Variants in VOPP1 observed in about 807,000 individuals in gnomAD.
VOPP1 encodes VOPP1 WW domain binding protein, also known as WW domain binding protein VOPP1.
VOPP1 carries 8 observed loss-of-function variants against 23.5 expected under a neutral mutation model. That is an observed-to-expected ratio of 0.34 (90% CI 0.20 to 0.61). The LOEUF (loss-of-function observed/expected upper bound fraction) is 0.61, where lower values mean the gene tolerates loss of function less well. VOPP1 is among the 20% of genes least tolerant of loss of function. The pLI, the probability that VOPP1 is intolerant of heterozygous loss-of-function variation, is 0.78. For synonymous variants in VOPP1, 83 were observed against 97.3 expected, an observed-to-expected ratio of 0.85 and a Z score of 0.86; for missense variants, 174 against 238.1, an observed-to-expected ratio of 0.73 and a Z score of 1.77.
At chr7:55,564,243 GTCTCTC>G (rs71561947) in intron 1 of VOPP1, among the ~76,000 whole-genome samples, 83 of 125,984 alleles carry the variant, frequency 6.6e-4, no homozygotes, top group Middle Eastern at 7.6e-3. Context: ...CTCTGTCTCT[GTCTCTC>G]TCTCTCTCTC....
intron 4 of VOPP1, among the ~76,000 whole-genome samples, chr7:55,453,326 T>C (rs1327800620): frequency 6.6e-6 from 1 of 152,258 alleles, no homozygotes; most frequent in Non-Finnish European, 1.5e-5. Flanking sequence ...ACTTTTCCTT[T>C]GCATTCACAA....
chr7:55,552,848 A>G, intron 1 of VOPP1: 1 of 1,419,726 alleles, frequency 7.0e-7, no homozygotes, highest in Non-Finnish European at 9.2e-7. Context: ...GTGACGGAGC[A>G]CTATGGCAAC....
chr7:55,465,376 A>G (rs1380827678), intron 4 of VOPP1, among the ~76,000 whole-genome samples: 2 of 152,130 alleles, frequency 1.3e-5, no homozygotes, highest in Non-Finnish European at 2.9e-5. Context: ...ACCTTTCAAG[A>G]CAAGAACGGT....
chr7:55,552,693 C>G (rs1797659570), intron 1 of VOPP1: 1 of 1,535,924 alleles, frequency 6.5e-7, no homozygotes, highest in Non-Finnish European at 8.7e-7. Flanking sequence ...CACTCAGGTC[C>G]TGGAGCCCCA....
At chr7:55,562,089 G>T (rs1798009774) in intron 1 of VOPP1, 1 of 702,718 alleles carries the variant, frequency 1.4e-6, no homozygotes, top group Non-Finnish European at 2.6e-6. Context: ...CCAGGTGCAG[G>T]TAATTGTTCG....
chr7:55,463,215 G>T (rs1169309741), intron 4 of VOPP1, among the ~76,000 whole-genome samples: 1 of 152,112 alleles, frequency 6.6e-6, no homozygotes, highest in Non-Finnish European at 1.5e-5. Flanking sequence ...ATGTTCTCTT[G>T]TATCGCACTG....
chr7:55,543,175 A>G (rs1350867441), intron 1 of VOPP1, among the ~76,000 whole-genome samples: 1 of 152,172 alleles, frequency 6.6e-6, no homozygotes, highest in Non-Finnish European at 1.5e-5. Flanking sequence ...TCAGCCTCCC[A>G]AAGTGCTGGG....
rs929521634 is a variant in VOPP1 at position 55,538,522 on chromosome 7, C to T, written c.55-17392G>A. On this transcript the variant is annotated intron_variant, in intron 1 of 4. Transcript: ENST00000285279. ...ACACAAAAAGAACAACCCTATGGTC[C>T]AAAGACTGAGGATTCCACAGTCCAA... 8.8e-6 allele frequency: 11 copies of T among 1,245,664 alleles called. No individual in the cohort carries two copies. In the African/African-American group the frequency reaches 9.0e-5, roughly 10 times the overall value. 77.2% of individuals were successfully genotyped at this position (1,245,664 alleles called of 1,614,324 possible). A position where few individuals can be genotyped will look rare whatever the true frequency, so the allele number is the denominator to read the frequency against.
At chr7:55,497,328 C>G (rs1004433842) in intron 3 of VOPP1, among the ~76,000 whole-genome samples, 1 of 152,152 alleles carries the variant, frequency 6.6e-6, no homozygotes. Context: ...AGAAACTGGC[C>G]GAGGAGCTGC....
intron 1 of VOPP1, among the ~76,000 whole-genome samples, chr7:55,560,768 T>C (rs900682170): frequency 6.6e-6 from 1 of 152,116 alleles, no homozygotes; most frequent in African/African-American, 2.4e-5. Flanking sequence ...CACTCTCCCT[T>C]CTCTGCACCT....
chr7:55,474,872 G>A (rs796859455), intron 4 of VOPP1, among the ~76,000 whole-genome samples: 45 of 152,350 alleles, frequency 3.0e-4, no homozygotes, highest in African/African-American at 8.9e-4. Context: ...GGGAAGATGC[G>A]GCAGGAGGTG....
rs528161749 is a variant in VOPP1 at position 55,483,771 on chromosome 7, CTTTTTTT to C, written c.328+8504_328+8510del. ...ACATGTTGGTCCTTTTTTCTTTTTT[CTTTTTTT>C]TGAGATGGAATTTCGCTCTTGTTGC... is the stretch of plus-strand genomic sequence containing the variant. On this transcript the variant is annotated intron_variant, in intron 4 of 4. Coordinates refer to ENST00000285279, the MANE Select transcript of VOPP1 (RefSeq NM_030796.5). 5.0e-4 allele frequency among the ~76,000 whole-genome samples: 76 copies of C among 151,698 alleles called. 2 individuals are homozygous for C. The highest frequency in any genetic ancestry group is 4.1e-4 in the South Asian group (2 of 4,820).
chr7:55,567,445 T>A (rs1798199500), intron 1 of VOPP1, among the ~76,000 whole-genome samples: 2 of 152,202 alleles, frequency 1.3e-5, no homozygotes, highest in South Asian at 4.2e-4. Context: ...TCTGAAAAGC[T>A]TCATCAAGAG....
chr7:55,539,158 A>C (rs1796992521), intron 1 of VOPP1, among the ~76,000 whole-genome samples: 1 of 152,156 alleles, frequency 6.6e-6, no homozygotes, highest in Admixed American at 6.5e-5. Flanking sequence ...AGCCTGGGCA[A>C]CATGGTGAAA....
chr7:55,492,340 C>G lies in VOPP1; in HGVS notation c.270G>C (p.Leu90=). Residue 90 remains leucine, a synonymous_variant, in exon 4 of 5, where the codon CTG becomes CTC. Coordinates refer to ENST00000285279, the MANE Select transcript of VOPP1 (RefSeq NM_030796.5). ...FIRRRMYPPP[L]IEEPAFNVSY... ...ACACATTGAAGGCTGGCTCCTCGAT[C>G]AGCGGCGGGGGGTACATGCGCCTCC... 1 of 1,610,068 alleles carries G rather than the reference C, an allele frequency of 6.2e-7. No homozygotes were observed. The highest frequency in any genetic ancestry group is 8.5e-7 in the Non-Finnish European group (1 of 1,178,258).
chr7:55,437,243 A>C (rs1790854900), intron 4 of VOPP1, among the ~76,000 whole-genome samples: 1 of 152,196 alleles, frequency 6.6e-6, no homozygotes, highest in Non-Finnish European at 1.5e-5. Flanking sequence ...GCTCCCGAGG[A>C]GTCCCCACGG....
At chr7:55,446,247 C>T (rs1791099199) in intron 4 of VOPP1, among the ~76,000 whole-genome samples, 1 of 152,298 alleles carries the variant, frequency 6.6e-6, no homozygotes, top group African/African-American at 2.4e-5. Flanking sequence ...CCCACCTCGG[C>T]CTCCCAAAGT....
intron 4 of VOPP1, among the ~76,000 whole-genome samples, chr7:55,487,322 C>T (rs891944933): frequency 6.6e-6 from 1 of 152,180 alleles, no homozygotes; most frequent in Non-Finnish European, 1.5e-5. Context: ...TGGGAAAACT[C>T]CATCCACTTC....
chr7:55,446,774 G>A (rs1791111413), intron 4 of VOPP1, among the ~76,000 whole-genome samples: 1 of 152,192 alleles, frequency 6.6e-6, no homozygotes, highest in African/African-American at 2.4e-5. Flanking sequence ...GCCAGGCACT[G>A]TATCTAGCCA....
Sources: allele counts gnomAD v4.1 joint callset (sites outside exome capture counted in the v4.1 genomes callset), GRCh38; gene constraint gnomAD v4.1.1; transcripts MANE v1.5; gene names NCBI Gene and HGNC (gene_info 2026-07-23, HGNC 2026-07-21).